The following CACNA1A variants were observed in gnomAD, a reference collection of about 807,000 sequenced individuals.
CACNA1A encodes the protein calcium voltage-gated channel subunit alpha1 A.
In CACNA1A, 57 loss-of-function variants were observed where a neutral mutation model predicts 262.4. The ratio of observed to expected loss-of-function variants is 0.22; its 90% confidence interval spans 0.18 to 0.27. CACNA1A has a LOEUF of 0.27. Among genes scored for constraint, CACNA1A ranks in the 10% least tolerant of loss-of-function variants. CACNA1A has a pLI of 1.00. For synonymous variants in CACNA1A, 1,431 were observed against 1,419.3 expected (o/e 1.01, Z -0.18); for missense variants, 2,526 against 3,562.8 (o/e 0.71, Z 7.41).
chr19:13,354,841 C>T (rs1262878117), intron 6 of CACNA1A, among the ~76,000 whole-genome samples: 1 of 150,934 alleles, frequency 6.6e-6, no homozygotes, highest in African/African-American at 2.4e-5. Context: ...CACACACAGA[C>T]ACACGAAGGG....
rs1277915263 is a variant in CACNA1A at position 13,259,331 on chromosome 19, TTTTTTTTTTTTG to T, written c.4388+221_4388+232del. The T allele has an allele frequency of 8.0e-3, 867 of 108,752 alleles. 27 individuals are homozygous for T. The highest frequency in any genetic ancestry group is 0.024 in the African/African-American group (734 of 30,034). The allele number at this position is 108,752 out of a possible 1,614,324, so 6.7% of individuals were successfully genotyped here. ...TGGCAGCTTTTTTTTTTTTTTTTTTTTTTTTTTTTTTGGGATTTTTAGTAGAAATGGAGTTTT... is the reference window on the plus strand; with the variant it reads ...TGGCAGCTTTTTTTTTTTTTTTTTTTGGATTTTTAGTAGAAATGGAGTTTT... On this transcript the variant is annotated intron_variant, in intron 27 of 46. Coordinates refer to ENST00000360228, the MANE Select transcript of CACNA1A (RefSeq NM_001127222.2).
intron 11 of CACNA1A, among the ~76,000 whole-genome samples, chr19:13,313,331 C>T (rs984118866): frequency 5.3e-5 from 8 of 151,718 alleles, no homozygotes; most frequent in Admixed American, 1.3e-4. Flanking sequence ...GCAAACCCCG[C>T]CTCTACTAAA....
intron 33 of CACNA1A, 39 bp from the exon 34 acceptor site, chr19:13,235,075 C>T (rs770772007): frequency 6.4e-7 from 1 of 1,555,560 alleles, no homozygotes; most frequent in Admixed American, 1.7e-5. Context: ...GCTGCCATTC[C>T]TCCAGTGGCT....
At position 13,436,422 on chromosome 19, in the gene CACNA1A, C is replaced by T. The variant is rs112527804; in HGVS notation, c.539+16454G>A. On this transcript the variant is annotated intron_variant, in intron 3 of 46. Transcript: ENST00000360228. The stretch of plus-strand genomic sequence containing the variant: ...AGGACTGGAATTAAGTATAGCTCTT[C>T]TTCCTTCTGTCCATCCCCTAGCAAT... Among the ~76,000 whole-genome samples, 464 of 152,328 alleles carry T rather than the reference C, an allele frequency of 3.0e-3. 1 individual carries two copies. The highest frequency in any genetic ancestry group is 0.011 in the African/African-American group (437 of 41,568).
chr19:13,296,458 T>C (rs2057668803), intron 19 of CACNA1A, among the ~76,000 whole-genome samples: 1 of 152,256 alleles, frequency 6.6e-6, no homozygotes, highest in African/African-American at 2.4e-5. Flanking sequence ...CTATAGCATC[T>C]GCTAGAAAGT....
At chr19:13,462,555 C>T (rs2061144034) in intron 1 of CACNA1A, among the ~76,000 whole-genome samples, 1 of 152,220 alleles carries the variant, frequency 6.6e-6, no homozygotes, top group African/African-American at 2.4e-5. Flanking sequence ...TTTCCAACTG[C>T]TTCTTTGGGC....
At chr19:13,395,663 G>A (rs924748435) in intron 3 of CACNA1A, among the ~76,000 whole-genome samples, 29 of 151,888 alleles carry the variant, frequency 1.9e-4, no homozygotes, top group Admixed American at 5.2e-4. Context: ...TTATTTGACC[G>A]TAGGTTATAA....
chr19:13,208,310 A>C (rs1343699504), intron 46 of CACNA1A, among the ~76,000 whole-genome samples: 1 of 151,894 alleles, frequency 6.6e-6, no homozygotes, highest in African/African-American at 2.4e-5. Context: ...CAACACAACA[A>C]AGTGAAAAGA....
chr19:13,486,841 C>T (rs1980063865), intron 1 of CACNA1A, among the ~76,000 whole-genome samples: 1 of 151,772 alleles, frequency 6.6e-6, no homozygotes, highest in African/African-American at 2.4e-5. Flanking sequence ...TCACCTTCCA[C>T]TTTTCTTTCT....
chr19:13,421,897 T>C (rs572047264), intron 3 of CACNA1A, among the ~76,000 whole-genome samples: 18 of 152,222 alleles, frequency 1.2e-4, no homozygotes, highest in Middle Eastern at 3.4e-3. Flanking sequence ...GAGAGGGTTT[T>C]TGGAGGAAAT....
intron 1 of CACNA1A, among the ~76,000 whole-genome samples, chr19:13,488,037 C>G (rs1394128192): frequency 6.6e-6 from 1 of 152,116 alleles, no homozygotes; most frequent in African/African-American, 2.4e-5. Flanking sequence ...ATTTCAGCGT[C>G]CCAAAGTGCT....
At chr19:13,408,228 C>T (rs192675644) in intron 3 of CACNA1A, among the ~76,000 whole-genome samples, 1 of 152,080 alleles carries the variant, frequency 6.6e-6, no homozygotes, top group Non-Finnish European at 1.5e-5. Context: ...ATTAGCCTGG[C>T]GTGGTGGCTT....
chr19:13,368,472 A>G (rs1028073604), intron 4 of CACNA1A, among the ~76,000 whole-genome samples: 1 of 149,934 alleles, frequency 6.7e-6, no homozygotes, highest in African/African-American at 2.4e-5. Flanking sequence ...AGGTGGGACT[A>G]CAGGCACACT....
intron 3 of CACNA1A, among the ~76,000 whole-genome samples, chr19:13,420,652 T>G (rs1285504476): frequency 6.6e-6 from 1 of 152,160 alleles, no homozygotes; most frequent in Non-Finnish European, 1.5e-5. Flanking sequence ...CACCTTGATT[T>G]TAGGCTTCTA....
chr19:13,425,266 T>G (rs529798315), intron 3 of CACNA1A, among the ~76,000 whole-genome samples: 30 of 152,296 alleles, frequency 2.0e-4, no homozygotes, highest in Admixed American at 1.7e-3. Flanking sequence ...GTCAAGAATT[T>G]CCCAGAGGTA....
At chr19:13,277,186 G>A (rs989095020) in intron 22 of CACNA1A, 58 bp from the exon 23 acceptor site, 11 of 1,245,836 alleles carry the variant, frequency 8.8e-6, no homozygotes, top group African/African-American at 3.0e-5. Flanking sequence ...GCAGAGCCCC[G>A]GTAAAACTAA....
At chr19:13,502,786 G>A (rs1315252718) in intron 1 of CACNA1A, among the ~76,000 whole-genome samples, 1 of 152,166 alleles carries the variant, frequency 6.6e-6, no homozygotes, top group African/African-American at 2.4e-5. Flanking sequence ...AGAAATCATA[G>A]TGACAAATTG....
chr19:13,221,966 A>T (rs2055248033), intron 38 of CACNA1A, among the ~76,000 whole-genome samples: 1 of 151,516 alleles, frequency 6.6e-6, no homozygotes. Context: ...AAGTGCAGTG[A>T]TGTGATCTCG....
chr19:13,387,365 A>T (rs1195710740), intron 3 of CACNA1A, among the ~76,000 whole-genome samples: 1 of 152,206 alleles, frequency 6.6e-6, no homozygotes, highest in Non-Finnish European at 1.5e-5. Flanking sequence ...GTTACTTTAC[A>T]TTCTGAGAGC....
Sources: allele counts gnomAD v4.1 joint callset (sites outside exome capture counted in the v4.1 genomes callset), GRCh38; gene constraint gnomAD v4.1.1; transcripts MANE v1.5; gene names NCBI Gene and HGNC (gene_info 2026-07-23, HGNC 2026-07-21).